The following TBC1D30 variants were observed in gnomAD, a reference collection of about 807,000 sequenced individuals.
TBC1D30 encodes TBC1 domain family member 30, also known as TBC1 domain family, member 30.
Under a neutral mutation model 63.2 loss-of-function variants are expected in TBC1D30, and 31 were observed. The ratio of observed to expected loss-of-function variants is 0.49; its 90% CI spans 0.37 to 0.66. The LOEUF (loss-of-function observed/expected upper bound fraction) is 0.66. Among genes scored for constraint, TBC1D30 ranks in the 30% least tolerant of loss-of-function variants. The probability of loss-of-function intolerance (pLI) is 0.00; values close to 1 mark genes in which losing one functional copy is unlikely to be tolerated. For missense variants in TBC1D30, 810 were observed against 953.6 expected (o/e 0.85, Z 1.98); for synonymous variants, 307 against 361.5 (o/e 0.85, Z 1.71).
chr12:64,779,509 C>A (rs1871171783), upstream of TBC1D30, among the ~76,000 whole-genome samples: 1 of 152,004 alleles, frequency 6.6e-6, no homozygotes, highest in Non-Finnish European at 1.5e-5. Flanking sequence ...TCAAAAAGGG[C>A]CCTTTTATTG....
chr12:64,831,121 G>T (rs1404072659), intron 4 of TBC1D30, among the ~76,000 whole-genome samples: 1 of 152,166 alleles, frequency 6.6e-6, no homozygotes, highest in African/African-American at 2.4e-5. Flanking sequence ...GTACATTACA[G>T]TGTGATACTC....
At chr12:64,847,020 T>C (rs984058161) in intron 8 of TBC1D30, among the ~76,000 whole-genome samples, 8 of 152,124 alleles carry the variant, frequency 5.3e-5, no homozygotes, top group African/African-American at 1.9e-4. Flanking sequence ...ATGCTAGTGA[T>C]TTTTCTTTAC....
chr12:64,879,573 T>C lies in TBC1D30; in HGVS notation c.*3785T>C, dbSNP rs1400269454. The C allele has an allele frequency of 1.3e-5, 2 of 152,230 alleles. No homozygotes were observed. Among genetic ancestry groups the C allele is most frequent in the East Asian group, 1.9e-4 (1 of 5,198 alleles). The allele number at this position is 152,230 out of a possible 1,614,324, so 9.4% of individuals were successfully genotyped here. A position where few individuals can be genotyped will look rare whatever the true frequency, so the allele number is the denominator to read the frequency against. On this transcript the variant is annotated 3_prime_UTR_variant, in exon 12 of 12. Transcript: ENST00000539867. ...AAGAGGCAGCAGTCTCTTTCCTTTTTTTTCCTTTCTATGACTTCTAGTGTG... is the reference window on the plus strand; with the variant it reads ...AAGAGGCAGCAGTCTCTTTCCTTTTCTTTCCTTTCTATGACTTCTAGTGTG...
In TBC1D30 at chr12:64,760,320, A is replaced by G. The variant is rs149063465; in HGVS notation, c.-376+671A>G. 8.1e-4 allele frequency among the ~76,000 whole-genome samples: 123 copies of G among 152,214 alleles called. 2 individuals are homozygous for G. The highest frequency in any genetic ancestry group is 6.8e-3 in the Middle Eastern group (2 of 294). The stretch of plus-strand genomic sequence containing the variant: ...CGCGGTGGCTCACGCTTGTAATCCC[A>G]GCACTTTGGGAGGCGGGTGGATCAC... On this transcript the variant is annotated intron_variant, in intron 1 of 13. Transcript: ENST00000674237.
At chr12:64,787,394 T>A in intron 2 of TBC1D30, 1 of 984,816 alleles carries the variant, frequency 1.0e-6, no homozygotes, top group Non-Finnish European at 1.2e-6. Flanking sequence ...ATGGTAAATA[T>A]AGGTACAATG....
intron 8 of TBC1D30, among the ~76,000 whole-genome samples, chr12:64,847,474 A>G (rs1347700245): frequency 1.3e-5 from 2 of 152,002 alleles, no homozygotes; most frequent in Admixed American, 6.6e-5. Context: ...TCATTACATT[A>G]TTTATTTGAC....
At chr12:64,841,280 G>C (rs1041750477) in intron 7 of TBC1D30, among the ~76,000 whole-genome samples, 5 of 152,058 alleles carry the variant, frequency 3.3e-5, no homozygotes, top group African/African-American at 1.2e-4. Flanking sequence ...TCTACCTTTC[G>C]CTCACCCCAA....
chr12:64,843,962 T>A (rs1422350465), intron 8 of TBC1D30, among the ~76,000 whole-genome samples: 1 of 152,070 alleles, frequency 6.6e-6, no homozygotes, highest in African/African-American at 2.4e-5. Context: ...GCTAATTTTT[T>A]ATTTTTATTT....
intron 8 of TBC1D30, among the ~76,000 whole-genome samples, chr12:64,855,677 A>T (rs1877240725): frequency 6.6e-6 from 1 of 150,772 alleles, no homozygotes; most frequent in Non-Finnish European, 1.5e-5. Flanking sequence ...TAACTATTTC[A>T]CTCTTTTTGT....
chr12:64,875,201 A>G lies in TBC1D30; in HGVS notation c.1699A>G (p.Thr567Ala), dbSNP rs777021512. The G allele has an allele frequency of 1.2e-5, 19 of 1,536,344 alleles. No individual in the cohort carries two copies. In the African/African-American group the frequency reaches 1.4e-4, roughly 11 times the overall value. Residue 567 changes from threonine to alanine, a missense_variant, in exon 12 of 12, where the codon ACT (threonine) becomes GCT (alanine). Coordinates refer to ENST00000539867, the MANE Select transcript of TBC1D30 (RefSeq NM_015279.2). ...LKTKLNSPWR[T>A]HIRVHKKNMP... ...GACGAAGCTCAACTCCCCGTGGCGA[A>G]CTCACATCCGAGTCCACAAAAAGAA... is the stretch of plus-strand genomic sequence containing the variant.
intron 8 of TBC1D30, among the ~76,000 whole-genome samples, chr12:64,859,340 T>C (rs1001582866): frequency 6.6e-6 from 1 of 152,286 alleles, no homozygotes; most frequent in South Asian, 2.1e-4. Context: ...ATTGAGAGAT[T>C]GTATTTGCTG....
intron 1 of TBC1D30, among the ~76,000 whole-genome samples, chr12:64,765,828 T>C (rs1314317112): frequency 3.9e-5 from 3 of 76,190 alleles, no homozygotes; most frequent in African/African-American, 1.8e-4. Flanking sequence ...AAACCCCACC[T>C]CTACAAAAAA....
chr12:64,801,972 C>G (rs1026634709), intron 2 of TBC1D30, among the ~76,000 whole-genome samples: 1 of 151,512 alleles, frequency 6.6e-6, no homozygotes, highest in South Asian at 2.1e-4. Flanking sequence ...TTTTTACTTT[C>G]AGTGGATTAT....
chr12:64,771,955 C>T (rs1045848602), intron 1 of TBC1D30, among the ~76,000 whole-genome samples: 5 of 151,978 alleles, frequency 3.3e-5, no homozygotes, highest in Admixed American at 6.6e-5. Flanking sequence ...GATGAACATA[C>T]AGGAATAGGC....
chr12:64,832,916 TAGTG>T (rs1874998180), intron 5 of TBC1D30, among the ~76,000 whole-genome samples: 1 of 152,190 alleles, frequency 6.6e-6, no homozygotes, highest in Non-Finnish European at 1.5e-5. Context: ...GAGTAAAAGA[TAGTG>T]AGCAAGGCAA....
rs1879344468 is a variant in TBC1D30 at position 64,879,862 on chromosome 12, A to C, written c.*4074A>C. ...AGACTTGGTATCCTGAACTCAAAGA[A>C]ATAGCCATTACTAGGTTTTGTCAAA... is the stretch of plus-strand genomic sequence containing the variant. On this transcript the variant is annotated 3_prime_UTR_variant, in exon 12 of 12. Transcript: ENST00000539867. 6.6e-6 allele frequency: 1 copy of C among 151,374 alleles called. No individual in the cohort carries two copies. Among genetic ancestry groups the C allele is most frequent in the South Asian group, 2.1e-4 (1 of 4,834 alleles). 9.4% of individuals were successfully genotyped at this position (151,374 alleles called of 1,614,324 possible).
chr12:64,837,201 C>G (rs1229616664), intron 6 of TBC1D30, among the ~76,000 whole-genome samples: 4 of 152,092 alleles, frequency 2.6e-5, no homozygotes, highest in Non-Finnish European at 4.4e-5. Flanking sequence ...TTCCTCCAAA[C>G]CAGTGGTCCC....
intron 8 of TBC1D30, among the ~76,000 whole-genome samples, chr12:64,860,019 T>TC (rs1335709528): frequency 5.2e-4 from 75 of 143,840 alleles, no homozygotes; most frequent in African/African-American, 1.7e-3. Context: ...TTCTTCTTCT[T>TC]TTTTTTTTTT....
chr12:64,799,751 G>A (rs1001104739), intron 2 of TBC1D30, among the ~76,000 whole-genome samples: 1 of 152,216 alleles, frequency 6.6e-6, no homozygotes, highest in African/African-American at 2.4e-5. Flanking sequence ...GGCAATAGGA[G>A]CAAAGGTGGG....
Sources: gnomAD v4.1 joint callset for allele counts (sites outside exome capture counted in the v4.1 genomes callset) on GRCh38, gnomAD v4.1.1 for gene constraint, MANE v1.5 for transcripts, NCBI Gene and HGNC (gene_info 2026-07-23, HGNC 2026-07-21) for gene names.